EBF3: variants seen among roughly 807,000 people sequenced by gnomAD.
EBF3 encodes the protein EBF transcription factor 3, also known as transcription factor COE3.
In EBF3, 18 loss-of-function variants were observed where a neutral mutation model predicts 77.1. The ratio of observed to expected loss-of-function variants is 0.23; its 90% CI spans 0.16 to 0.35. The LOEUF (loss-of-function observed/expected upper bound fraction) is 0.35. EBF3 is among the 10% of genes least tolerant of loss of function. The pLI is 1.00. For missense variants in EBF3, 558 were observed against 860.0 expected, an observed-to-expected ratio of 0.65 and a Z score of 4.39; for synonymous variants, 350 against 343.5, an observed-to-expected ratio of 1.02 and a Z score of -0.21.
chr10:129,947,595 T>TATTA lies in EBF3; in HGVS notation c.554+9662_554+9663insTAAT, dbSNP rs963520752. ...TATTATTGAGGAAATAAACCCCTTA[T>TATTA]AATAAGTGAAATTGAGCAATGCCAC... On this transcript the variant is annotated intron_variant, in intron 6 of 16. Transcript: ENST00000440978. The surrounding 1 kb of genome is among the most constrained non-coding windows in gnomAD (Gnocchi z 4.5). Among the ~76,000 whole-genome samples the TATTA allele has an allele frequency of 2.6e-5, 4 of 151,664 alleles. No homozygotes were observed. Among genetic ancestry groups the TATTA allele is most frequent in the Admixed American group, 6.6e-5 (1 of 15,210 alleles).
In EBF3 at chr10:129,837,113, CAT is replaced by C. The variant is rs1165003568; in HGVS notation, c.*828_*829del. On this transcript the variant is annotated 3_prime_UTR_variant, in exon 17 of 17. Transcript: ENST00000440978. ...AAAGGACAATTTCTGGTACAAGAAA[CAT>C]AGACCTCACAGTAGCCTAAGAATGC... The C allele has an allele frequency of 3.3e-5, 5 of 152,666 alleles. No individual in the cohort carries two copies. Among genetic ancestry groups the C allele is most frequent in the East Asian group, 1.9e-4 (1 of 5,180 alleles). 9.5% of individuals were successfully genotyped at this position (152,666 alleles called of 1,614,324 possible).
rs1264616054 is a variant in EBF3 at position 129,848,360 on chromosome 10, A to G, written c.1128+32T>C. 3.1e-6 allele frequency: 5 copies of G among 1,602,324 alleles called. No homozygotes were observed. The highest frequency in any genetic ancestry group is 4.3e-6 in the Non-Finnish European group (5 of 1,169,564). On this transcript the variant is annotated intron_variant, in intron 11 of 16. Coordinates refer to ENST00000440978, the MANE Select transcript of EBF3 (RefSeq NM_001375380.1). The surrounding 1 kb of genome is among the most constrained non-coding windows in gnomAD (Gnocchi z 4.4). ...GAACCAGCCCAGTGGCGGCCCCACC[A>G]TGAGCGGGGTGCCACTTGCTCTTTT...
In EBF3 at chr10:129,963,830, G is replaced by A; in HGVS notation, c.-62C>T. ...AGCGTTTCCTCGAGCAGCGGCGCTC[G>A]GGGCTTGGCGGCAGGCGGCTGCCCT... On this transcript the variant is annotated 5_prime_UTR_variant, in exon 1 of 17. Transcript: ENST00000440978. The surrounding 1 kb of genome is among the most constrained non-coding windows in gnomAD (Gnocchi z 7.1). 2.1e-6 allele frequency: 3 copies of A among 1,458,908 alleles called. No individual in the cohort carries two copies. The highest frequency in any genetic ancestry group is 1.2e-5 in the South Asian group (1 of 84,256). The allele number at this position is 1,458,908 out of a possible 1,614,324, so 90.4% of individuals were successfully genotyped here. A position where few individuals can be genotyped will look rare whatever the true frequency, so the allele number is the denominator to read the frequency against.
intron 8 of EBF3, among the ~76,000 whole-genome samples, chr10:129,871,185 C>T (rs1852381554): frequency 6.6e-6 from 1 of 152,176 alleles, no homozygotes; most frequent in Admixed American, 6.5e-5. Flanking sequence ...AGGCCGGGTG[C>T]TGGGCAGGGC....
intron 6 of EBF3, among the ~76,000 whole-genome samples, chr10:129,953,586 G>C (rs1858827938): frequency 6.6e-6 from 1 of 152,220 alleles, no homozygotes; most frequent in South Asian, 2.1e-4. Flanking sequence ...CAGCGAGTGG[G>C]ACGCCGGAGA....
At position 129,859,741 on chromosome 10, in the gene EBF3, G is replaced by A. The variant is rs895932001; in HGVS notation, c.1039+7400C>T. Among the ~76,000 whole-genome samples, 12 of 152,246 alleles carry A rather than the reference G, an allele frequency of 7.9e-5. No individual in the cohort carries two copies. The East Asian group carries it at 1.5e-3, about 20-fold the overall frequency. The stretch of plus-strand genomic sequence containing the variant: ...CACTGACCCAGCTGGCGGGGCACAC[G>A]CTGGAGCGAAACATAGTCTATCGAT... On this transcript the variant is annotated intron_variant, in intron 10 of 16. Coordinates refer to ENST00000440978, the MANE Select transcript of EBF3 (RefSeq NM_001375380.1).
chr10:129,958,638 C>G (rs1859220954), intron 5 of EBF3, among the ~76,000 whole-genome samples: 1 of 152,198 alleles, frequency 6.6e-6, no homozygotes, highest in South Asian at 2.1e-4. Context: ...CCTGACTCCT[C>G]CGGCACCGCG....
intron 6 of EBF3, among the ~76,000 whole-genome samples, chr10:129,878,109 G>A (rs189210998): frequency 2.2e-4 from 33 of 152,242 alleles, no homozygotes; most frequent in African/African-American, 6.5e-4. Flanking sequence ...TGCGACTTTC[G>A]CATTGGCATT....
chr10:129,914,280 T>C (rs1855721876), intron 6 of EBF3, among the ~76,000 whole-genome samples: 1 of 152,072 alleles, frequency 6.6e-6, no homozygotes, highest in South Asian at 2.1e-4. Flanking sequence ...ACAAAGAGCA[T>C]CTGTGATTTT....
chr10:129,900,684 T>C (rs1854715938), intron 6 of EBF3, among the ~76,000 whole-genome samples: 2 of 152,264 alleles, frequency 1.3e-5, no homozygotes, highest in African/African-American at 4.8e-5. Context: ...CCCCCAACAT[T>C]GATGGTGCTG....
At chr10:129,884,818 C>T (rs139408333) in intron 6 of EBF3, among the ~76,000 whole-genome samples, 50 of 152,314 alleles carry the variant, frequency 3.3e-4, no homozygotes, top group African/African-American at 1.0e-3. Flanking sequence ...AGTTCAACAA[C>T]GACTGGCCTT....
intron 6 of EBF3, among the ~76,000 whole-genome samples, chr10:129,929,273 C>G (rs1326809729): frequency 6.6e-6 from 1 of 152,108 alleles, no homozygotes; most frequent in Non-Finnish European, 1.5e-5. Context: ...GGTGCGATCT[C>G]AGTTCACTGC....
At chr10:129,882,649 A>C (rs570102834) in intron 6 of EBF3, among the ~76,000 whole-genome samples, 2 of 152,344 alleles carry the variant, frequency 1.3e-5, no homozygotes, top group African/African-American at 4.8e-5. Context: ...TAATGTGTGA[A>C]ATAATTGGCC....
chr10:129,853,713 ATAAAG>A (rs1231761032), intron 10 of EBF3, among the ~76,000 whole-genome samples: 1 of 152,250 alleles, frequency 6.6e-6, no homozygotes, highest in African/African-American at 2.4e-5. Flanking sequence ...TAAAAATTAA[ATAAAG>A]TAAAATTAAA....
At chr10:129,961,647 G>C (rs916717878) in intron 4 of EBF3, among the ~76,000 whole-genome samples, 4 of 152,128 alleles carry the variant, frequency 2.6e-5, no homozygotes, top group African/African-American at 9.7e-5. Context: ...GGGCTGCGAG[G>C]TGAAGATGGA....
chr10:129,887,776 T>C (rs1249366926), intron 6 of EBF3, among the ~76,000 whole-genome samples: 1 of 151,764 alleles, frequency 6.6e-6, no homozygotes, highest in Non-Finnish European at 1.5e-5. Context: ...ACATGGCGAG[T>C]GGTGGGTTCG....
chr10:129,893,985 C>T (rs1226855224), intron 6 of EBF3, among the ~76,000 whole-genome samples: 3 of 152,206 alleles, frequency 2.0e-5, no homozygotes, highest in Admixed American at 6.5e-5. Flanking sequence ...TACCCAAGCC[C>T]CACTCCCCAA....
At chr10:129,886,312 G>A (rs756601862) in intron 6 of EBF3, among the ~76,000 whole-genome samples, 7 of 152,250 alleles carry the variant, frequency 4.6e-5, no homozygotes, top group African/African-American at 1.4e-4. Context: ...ATTAATGGGC[G>A]CACAGCTCTG....
intron 6 of EBF3, among the ~76,000 whole-genome samples, chr10:129,884,730 T>C (rs1224865426): frequency 1.3e-5 from 2 of 152,170 alleles, no homozygotes; most frequent in Non-Finnish European, 2.9e-5. Flanking sequence ...TGCACGTGCA[T>C]GCTCCCCGAG....
Sources: allele counts gnomAD v4.1 joint callset (sites outside exome capture counted in the v4.1 genomes callset), GRCh38; gene constraint gnomAD v4.1.1; non-coding constraint Gnocchi (gnomAD v3.1); transcripts MANE v1.5; gene names NCBI Gene and HGNC (gene_info 2026-07-23, HGNC 2026-07-21).